ASAP1: variants seen among roughly 807,000 people sequenced by gnomAD.
ASAP1 encodes arf-GAP with SH3 domain, ANK repeat and PH domain-containing protein 1.
A neutral mutation model predicts 145.2 loss-of-function variants in ASAP1; 43 were observed. The observed-to-expected ratio is 0.30, with a 90% CI of 0.23 to 0.38. The LOEUF (loss-of-function observed/expected upper bound fraction) is 0.38. Among genes scored for constraint, ASAP1 ranks in the 10% least tolerant of loss-of-function variants. ASAP1 has a pLI of 1.00. For synonymous variants in ASAP1, 546 were observed against 515.5 expected (o/e 1.06, Z -0.80); for missense variants, 1,018 against 1,355.3 (o/e 0.75, Z 3.91).
intron 3 of ASAP1, among the ~76,000 whole-genome samples, chr8:130,302,668 G>A (rs1442701773): frequency 6.6e-6 from 1 of 152,202 alleles, no homozygotes; most frequent in Non-Finnish European, 1.5e-5. Flanking sequence ...AGCTGAGGGG[G>A]AGGGGCACGT....
chr8:130,182,697 T>C (rs1173710493), intron 7 of ASAP1, among the ~76,000 whole-genome samples: 1 of 151,848 alleles, frequency 6.6e-6, no homozygotes, highest in Non-Finnish European at 1.5e-5. Context: ...AGTGAAAGTA[T>C]TAATAACAAA....
At chr8:130,179,025 TGTAA>T (rs1445166317) in intron 9 of ASAP1, 1 of 376,646 alleles carries the variant, frequency 2.7e-6, no homozygotes, top group Non-Finnish European at 4.8e-6. Context: ...AAGAAGTATT[TGTAA>T]GTATTTGTCT....
chr8:130,117,760 T>C (rs1238526456), intron 20 of ASAP1, among the ~76,000 whole-genome samples: 1 of 152,246 alleles, frequency 6.6e-6, no homozygotes, highest in Non-Finnish European at 1.5e-5. Context: ...TCTTCTCTCT[T>C]TTAACCTCTC....
chr8:130,306,181 G>T (rs1565191567), intron 3 of ASAP1, among the ~76,000 whole-genome samples: 1 of 152,188 alleles, frequency 6.6e-6, no homozygotes, highest in Non-Finnish European at 1.5e-5. Flanking sequence ...TTCTTAGAGA[G>T]ATTCAGGGAA....
intron 3 of ASAP1, among the ~76,000 whole-genome samples, chr8:130,251,382 C>T (rs1009960632): frequency 1.4e-4 from 21 of 152,120 alleles, no homozygotes; most frequent in Non-Finnish European, 3.1e-4. Context: ...AGAGCCACTG[C>T]TCTCAAGCCT....
intron 11 of ASAP1, among the ~76,000 whole-genome samples, chr8:130,162,754 C>T (rs1046197197): frequency 5.3e-5 from 8 of 150,494 alleles, no homozygotes; most frequent in African/African-American, 2.0e-4. Flanking sequence ...GGAGGCGGGG[C>T]TTGCAGTGAA....
At chr8:130,219,724 ATTCT>A (rs1817177341) in intron 4 of ASAP1, among the ~76,000 whole-genome samples, 1 of 152,226 alleles carries the variant, frequency 6.6e-6, no homozygotes, top group South Asian at 2.1e-4. Context: ...AAGAAGACAC[ATTCT>A]TTCCCAATAT....
At chr8:130,201,725 G>A (rs1272683060) in intron 5 of ASAP1, among the ~76,000 whole-genome samples, 3 of 152,152 alleles carry the variant, frequency 2.0e-5, no homozygotes, top group Non-Finnish European at 4.4e-5. Context: ...GGATTTCTTT[G>A]TTGTACTTAA....
At chr8:130,286,595 T>C (rs537969186) in intron 3 of ASAP1, among the ~76,000 whole-genome samples, 1 of 152,162 alleles carries the variant, frequency 6.6e-6, no homozygotes, top group Non-Finnish European at 1.5e-5. Context: ...CAGTGAGCTT[T>C]GCGGTGAGGG....
intron 3 of ASAP1, chr8:130,340,750 T>C (rs1825323618): frequency 2.7e-6 from 1 of 370,184 alleles, no homozygotes. Flanking sequence ...TCACTTCCTG[T>C]GAAATGGAGA....
intron 2 of ASAP1, among the ~76,000 whole-genome samples, chr8:130,376,762 G>A (rs967471120): frequency 2.0e-5 from 3 of 151,644 alleles, no homozygotes; most frequent in Non-Finnish European, 2.9e-5. Flanking sequence ...AATTAGCTGG[G>A]TGTGGTGGCA....
chr8:130,299,671 T>C (rs1822502964), intron 3 of ASAP1, among the ~76,000 whole-genome samples: 1 of 138,940 alleles, frequency 7.2e-6, no homozygotes, highest in African/African-American at 2.8e-5. Flanking sequence ...CAAAATAATT[T>C]AGAATTTAAA....
chr8:130,195,081 TTACTC>T (rs1251642657), intron 5 of ASAP1: 1 of 152,206 alleles, frequency 6.6e-6, no homozygotes, highest in Non-Finnish European at 1.5e-5. Context: ...ATTCTATTGA[TTACTC>T]TATCTCCATT....
intron 11 of ASAP1, among the ~76,000 whole-genome samples, chr8:130,161,153 T>C (rs2097668311): frequency 6.6e-6 from 1 of 152,090 alleles, no homozygotes. Context: ...CCAAAATGAA[T>C]TATTCAGAAA....
At chr8:130,122,177 T>C (rs918559978) in intron 18 of ASAP1, among the ~76,000 whole-genome samples, 1 of 152,196 alleles carries the variant, frequency 6.6e-6, no homozygotes, top group Admixed American at 6.5e-5. Context: ...CTCCTCTTGT[T>C]GTAATTTCTT....
intron 3 of ASAP1, among the ~76,000 whole-genome samples, chr8:130,249,125 GC>G (rs1161368044): frequency 1.3e-5 from 2 of 151,954 alleles, no homozygotes; most frequent in African/African-American, 2.4e-5. Context: ...ACTTAATCAT[GC>G]CCCAGCCAGG....
chr8:130,253,180 A>G (rs1819306432), intron 3 of ASAP1, among the ~76,000 whole-genome samples: 1 of 152,224 alleles, frequency 6.6e-6, no homozygotes, highest in South Asian at 2.1e-4. Context: ...CACAAAATCT[A>G]GAGCCAAACC....
intron 1 of ASAP1, among the ~76,000 whole-genome samples, chr8:130,432,784 C>T (rs1386596604): frequency 6.6e-6 from 1 of 152,166 alleles, no homozygotes; most frequent in African/African-American, 2.4e-5. Flanking sequence ...TTCACCCCCA[C>T]TGCCAGGCAA....
chr8:130,165,284 C>T (rs989255857), intron 11 of ASAP1, among the ~76,000 whole-genome samples: 1 of 152,150 alleles, frequency 6.6e-6, no homozygotes, highest in Non-Finnish European at 1.5e-5. Context: ...AGAGGTAATA[C>T]TGTGTGACAA....
Sources: allele counts gnomAD v4.1 joint callset (sites outside exome capture counted in the v4.1 genomes callset), GRCh38; gene constraint gnomAD v4.1.1; transcripts MANE v1.5; gene names NCBI Gene and HGNC (gene_info 2026-07-23, HGNC 2026-07-21).